Variants in POMT2 observed in about 807,000 individuals in gnomAD.
POMT2 encodes the protein protein O-mannosyltransferase 2.
In POMT2, 75 loss-of-function variants were observed where a neutral mutation model predicts 100.0. The ratio of observed to expected loss-of-function variants is 0.75; its 90% CI spans 0.62 to 0.91. The LOEUF (loss-of-function observed/expected upper bound fraction) is 0.91, where lower values mean the gene tolerates loss of function less well. Among genes scored for constraint, POMT2 ranks in the 40% least tolerant of loss-of-function variants. The probability of loss-of-function intolerance (pLI) is 0.00; values close to 1 mark genes in which losing one functional copy is unlikely to be tolerated. For synonymous variants in POMT2, 378 were observed against 374.1 expected (o/e 1.01, Z -0.12); for missense variants, 940 against 955.1 (o/e 0.98, Z 0.21).
In POMT2 at chr14:77,286,732, T is replaced by A; in HGVS notation, c.1332+12A>T. 1 of 1,614,132 alleles carries A rather than the reference T, an allele frequency of 6.2e-7. No individual in the cohort carries two copies. The highest frequency in any genetic ancestry group is 8.5e-7 in the Non-Finnish European group (1 of 1,180,004). ...CTTTTACGTCCTACTCACATCCCCG[T>A]TGCTTACTTACTATGCCATAGCCGG... On this transcript the variant is annotated intron_variant, in intron 12 of 20. Transcript: ENST00000261534.
chr14:77,289,420 G>T (rs1211713022), intron 10 of POMT2, among the ~76,000 whole-genome samples: 1 of 116,290 alleles, frequency 8.6e-6, no homozygotes, highest in Non-Finnish European at 1.7e-5. Flanking sequence ...AAACTCCTTC[G>T]ATGAATAGCA....
chr14:77,301,871 G>A (rs1891056772), intron 5 of POMT2, among the ~76,000 whole-genome samples: 3 of 151,566 alleles, frequency 2.0e-5, no homozygotes, highest in Admixed American at 2.0e-4. Flanking sequence ...TTTGCTATTC[G>A]TATAGCACCT....
At chr14:77,292,103 A>C (rs934001688) in intron 9 of POMT2, among the ~76,000 whole-genome samples, 1 of 152,214 alleles carries the variant, frequency 6.6e-6, no homozygotes, top group African/African-American at 2.4e-5. Flanking sequence ...TATTTTCTAT[A>C]ATGTGGCCAA....
intron 11 of POMT2, chr14:77,287,438 A>C (rs1890466426): frequency 6.6e-6 from 1 of 152,026 alleles, no homozygotes; most frequent in East Asian, 1.9e-4. Flanking sequence ...AAATTTATTT[A>C]ATAAAATAAA....
In POMT2 at chr14:77,285,512, G is replaced by A. The variant is rs757570246; in HGVS notation, c.1453C>T (p.Leu485=). ...RFIHLVTGCV[L]GSSGKVLPKW... ...GGCAGAACCTTTCCCGAGGAGCCCA[G>A]GACACAACCTGTGACCAAATGGATG... Residue 485 remains leucine, a synonymous_variant, in exon 13 of 21, where the codon CTG becomes TTG. Transcript: ENST00000261534. 23 of 1,614,014 alleles carry A rather than the reference G, an allele frequency of 1.4e-5. No homozygotes were observed. The South Asian group carries it at 2.5e-4, about 18-fold the overall frequency.
chr14:77,283,660 A>G, intron 15 of POMT2, 137 bp downstream of exon 15: 1 of 823,076 alleles, frequency 1.2e-6, no homozygotes, highest in Non-Finnish European at 2.1e-6. Context: ...TGAGGATCAC[A>G]GAAAACCGTA....
chr14:77,293,255 G>A (rs1302427024), intron 9 of POMT2, among the ~76,000 whole-genome samples: 7 of 152,192 alleles, frequency 4.6e-5, no homozygotes, highest in South Asian at 2.1e-4. Context: ...TGTGTACTCT[G>A]TGTAGATGTG....
At chr14:77,286,689 C>T in intron 12 of POMT2, 55 bp downstream of exon 12, 1 of 1,610,658 alleles carries the variant, frequency 6.2e-7, no homozygotes, top group East Asian at 2.2e-5. Context: ...CCACACAGCC[C>T]TGAGCCAAGG....
At position 77,277,278 on chromosome 14, in the gene POMT2, C is replaced by T; in HGVS notation, c.*98G>A. On this transcript the variant is annotated 3_prime_UTR_variant, in exon 21 of 21. Coordinates refer to ENST00000261534, the MANE Select transcript of POMT2 (RefSeq NM_013382.7). Reference sequence around the variant, plus strand: ...GGTGAGCAGCAGAATTCTTCGGGCTCCTTAGGCAGCTTCCTCATGGCCGGA... The same window carrying T: ...GGTGAGCAGCAGAATTCTTCGGGCTTCTTAGGCAGCTTCCTCATGGCCGGA... 1.9e-6 allele frequency: 2 copies of T among 1,062,888 alleles called. No individual in the cohort carries two copies. Among genetic ancestry groups the T allele is most frequent in the Non-Finnish European group, 1.4e-6 (1 of 701,422 alleles). The allele number at this position is 1,062,888 out of a possible 1,614,324, so 65.8% of individuals were successfully genotyped here.
chr14:77,304,988 A>C (rs1406834227), intron 3 of POMT2, among the ~76,000 whole-genome samples, 188 bp from the exon 4 acceptor site: 1 of 152,232 alleles, frequency 6.6e-6, no homozygotes, highest in Non-Finnish European at 1.5e-5. Context: ...ATCAAGCAAT[A>C]TATATGTTCC....
At chr14:77,290,098 G>A (rs569183995) in intron 10 of POMT2, among the ~76,000 whole-genome samples, 27 of 152,070 alleles carry the variant, frequency 1.8e-4, no homozygotes, top group Non-Finnish European at 2.9e-4. Context: ...TGGTGGGGAG[G>A]GGCATTTATA....
At chr14:77,284,450 AGAT>A (rs935870277) in intron 14 of POMT2, 16 of 208,054 alleles carry the variant, frequency 7.7e-5, no homozygotes, top group African/African-American at 3.7e-4. Context: ...TTAGGAAAAC[AGAT>A]GATGAATCCA....
intron 15 of POMT2, among the ~76,000 whole-genome samples, chr14:77,280,792 A>G (rs1369512490): frequency 1.3e-5 from 2 of 152,184 alleles, no homozygotes; most frequent in Non-Finnish European, 2.9e-5. Context: ...GAGAGAGGGG[A>G]TATAAAATGA....
chr14:77,285,544 A>G lies in POMT2; in HGVS notation c.1421T>C (p.Ile474Thr). ...GNRIKVLRSR[I>T]RFIHLVTGCV... is the part of the protein sequence containing the mutation. ...ACCTGTGACCAAATGGATGAAGCGA[A>G]TTCGACTTCTCAGCACTTTGATCCG... The change falls in exon 13 of 21, where the codon ATT becomes ACT. Residue 474 changes from isoleucine to threonine, a missense_variant. Physicochemically the swap from Ile to Thr is moderately conservative, Grantham distance 89 (BLOSUM62 -1). Coordinates refer to ENST00000261534, the MANE Select transcript of POMT2 (RefSeq NM_013382.7). The G allele has an allele frequency of 1.9e-6, 3 of 1,614,188 alleles. No homozygotes were observed. Among genetic ancestry groups the G allele is most frequent in the Non-Finnish European group, 2.5e-6 (3 of 1,180,034 alleles).
rs781452947 is a variant in POMT2, at chr14:77,320,712, C to T, written c.-31G>A. 1.9e-6 allele frequency: 3 copies of T among 1,588,148 alleles called. No homozygotes were observed. The highest frequency in any genetic ancestry group is 2.6e-6 in the Non-Finnish European group (3 of 1,176,068). ...CCCTCCTCTGGGTCGCCCTCCGGCC[C>T]GGAGGCACACTTTGTCTGACCAGCC... On this transcript the variant is annotated 5_prime_UTR_variant, in exon 1 of 21. Coordinates refer to ENST00000261534, the MANE Select transcript of POMT2 (RefSeq NM_013382.7).
At chr14:77,296,628 T>A (rs1396074572) in intron 8 of POMT2, 1 of 309,406 alleles carries the variant, frequency 3.2e-6, no homozygotes. Context: ...TCGCCTGGAA[T>A]GTTCTCCAAG....
Position 77,276,046 on chromosome 14 carries a change from T to A in POMT2, c.*1330A>T, listed in dbSNP as rs1232725128. On this transcript the variant is annotated 3_prime_UTR_variant, in exon 21 of 21. Transcript: ENST00000261534. ...GGAGGGAAAATGGAGTGTGGCGGAT[T>A]CATCATTAAATATTGAAGCATCAAA... 6.6e-6 allele frequency: 1 copy of A among 152,460 alleles called. No homozygotes were observed. The highest frequency in any genetic ancestry group is 1.5e-5 in the Non-Finnish European group (1 of 68,014). The allele number at this position is 152,460 out of a possible 1,614,324, so 9.4% of individuals were successfully genotyped here.
intron 17 of POMT2, 33 bp downstream of exon 17, chr14:77,279,988 C>CA (rs1371020183): frequency 6.2e-7 from 1 of 1,614,026 alleles, no homozygotes; most frequent in African/African-American, 1.3e-5. Context: ...GCAAGTGCTC[C>CA]AGGGCCTGAG....
intron 16 of POMT2, 116 bp from the exon 17 acceptor site, chr14:77,280,196 C>T: frequency 1.9e-6 from 3 of 1,585,464 alleles, no homozygotes; most frequent in South Asian, 1.1e-5. Context: ...GAACCTCAGG[C>T]TGGCAAATTC....
Sources: allele counts gnomAD v4.1 joint callset (sites outside exome capture counted in the v4.1 genomes callset), GRCh38; gene constraint gnomAD v4.1.1; transcripts MANE v1.5; gene names NCBI Gene and HGNC (gene_info 2026-07-23, HGNC 2026-07-21).